The following HDLBP variants were observed in gnomAD, a reference collection of about 807,000 sequenced individuals.
HDLBP encodes vigilin.
In HDLBP, 30 loss-of-function variants were observed where a neutral mutation model predicts 137.3. The observed-to-expected ratio is 0.22, with a 90% CI of 0.16 to 0.30. The LOEUF (loss-of-function observed/expected upper bound fraction) is 0.30, where lower values mean the gene tolerates loss of function less well. HDLBP is among the 10% of genes least tolerant of loss of function. The pLI is 1.00. For missense variants in HDLBP, 1,119 were observed against 1,667.3 expected (o/e 0.67, Z 5.73); for synonymous variants, 606 against 596.0 (o/e 1.02, Z -0.24).
rs1011579824 is a variant in HDLBP, at chr2:241,239,521, G to C, written c.2610+81C>G. 5 of 1,151,304 alleles carry C rather than the reference G, an allele frequency of 4.3e-6. No individual in the cohort carries two copies. The Admixed American group carries it at 7.0e-5, about 16-fold the overall frequency. 71.3% of individuals were successfully genotyped at this position (1,151,304 alleles called of 1,614,324 possible). A position where few individuals can be genotyped will look rare whatever the true frequency, so the allele number is the denominator to read the frequency against. Reference sequence around the variant, plus strand: ...GTATGAGGGAGTCACCTCCCTACAGGGTGGAGCGAACACTCATACACGGCT... The same window carrying C: ...GTATGAGGGAGTCACCTCCCTACAGCGTGGAGCGAACACTCATACACGGCT... On this transcript the variant is annotated intron_variant, in intron 19 of 27. Coordinates refer to ENST00000310931, the MANE Select transcript of HDLBP (RefSeq NM_005336.6). The surrounding 1 kb of genome is among the most constrained non-coding windows in gnomAD (Gnocchi z 4.6).
intron 5 of HDLBP, among the ~76,000 whole-genome samples, chr2:241,260,869 C>A (rs561714612): frequency 1.3e-5 from 2 of 152,112 alleles, no homozygotes; most frequent in Non-Finnish European, 1.5e-5. Flanking sequence ...CAAAAACCTA[C>A]GGTCCCCACT....
Position 241,262,453 on chromosome 2 carries a change from T to TC in HDLBP, c.450+257dup, listed in dbSNP as rs976627588. 9.8e-4 allele frequency among the ~76,000 whole-genome samples: 105 copies of TC among 107,420 alleles called. 2 individuals carry two copies. The East Asian group carries it at 0.044, about 45-fold the overall frequency. The allele number at this position is 107,420 out of a possible 152,430, so 70.5% of individuals were successfully genotyped here. A position where few individuals can be genotyped will look rare whatever the true frequency, so the allele number is the denominator to read the frequency against. ...CTAGACAACAAGGTGAGACTCTGTC[T>TC]CTTAAAAAAAAAATTATTATTACTT... On this transcript the variant is annotated intron_variant, in intron 5 of 27. Transcript: ENST00000310931.
chr2:241,263,895 G>A (rs968353645), intron 4 of HDLBP, among the ~76,000 whole-genome samples: 5 of 152,080 alleles, frequency 3.3e-5, no homozygotes, highest in African/African-American at 1.2e-4. Flanking sequence ...CATACAGGGT[G>A]GACATGAGAG....
chr2:241,258,163 C>T (rs2072851691), intron 5 of HDLBP, among the ~76,000 whole-genome samples: 1 of 151,472 alleles, frequency 6.6e-6, no homozygotes, highest in Non-Finnish European at 1.5e-5. Flanking sequence ...CTTTGGGAGG[C>T]CGAGGTGGGT....
chr2:241,297,148 A>G (rs1027590892), intron 1 of HDLBP, among the ~76,000 whole-genome samples: 4 of 152,210 alleles, frequency 2.6e-5, no homozygotes, highest in African/African-American at 4.8e-5. Flanking sequence ...GGGCTTCCAC[A>G]TAAGAGAATA....
intron 1 of HDLBP, among the ~76,000 whole-genome samples, chr2:241,270,695 T>C (rs541851649): frequency 1.3e-5 from 2 of 152,260 alleles, no homozygotes; most frequent in East Asian, 1.9e-4. Context: ...TACAGCCCCA[T>C]GTCCACCCCG....
chr2:241,250,324 G>A (rs189649101), intron 11 of HDLBP: 38 of 187,120 alleles, frequency 2.0e-4, no homozygotes, highest in Admixed American at 1.1e-4. Context: ...AGGATTCCAG[G>A]TGTTTCTAAT....
At chr2:241,300,239 G>A (rs1353137203) in intron 1 of HDLBP, among the ~76,000 whole-genome samples, 1 of 152,090 alleles carries the variant, frequency 6.6e-6, no homozygotes, top group African/African-American at 2.4e-5. Flanking sequence ...GTAGAAGGCG[G>A]GCGCCCCCCG....
At chr2:241,254,517 CT>C (rs2072460808) in intron 9 of HDLBP, among the ~76,000 whole-genome samples, 1 of 150,248 alleles carries the variant, frequency 6.7e-6, no homozygotes, top group Non-Finnish European at 1.5e-5. Context: ...CAGAGTCTCG[CT>C]CTGTCGCCAA....
Position 241,236,711 on chromosome 2 carries a change from C to T in HDLBP, c.2808G>A (p.Glu936=). ...ENGDEAGEGR[E]AKDCDPGSPR... ...GAGAGCCGGGGTCACAATCTTTAGC[C>T]TCTCTCCCCTCCCCAGCTTCGTCCC... is the stretch of plus-strand genomic sequence containing the variant. The change falls in exon 21 of 28, where the codon GAG becomes GAA. Residue 936 remains glutamate, a synonymous_variant. Coordinates refer to ENST00000310931, the MANE Select transcript of HDLBP (RefSeq NM_005336.6). 1 of 1,614,116 alleles carries T rather than the reference C, an allele frequency of 6.2e-7. No individual in the cohort carries two copies. The highest frequency in any genetic ancestry group is 8.5e-7 in the Non-Finnish European group (1 of 1,179,988).
intron 24 of HDLBP, 161 bp from the exon 25 acceptor site, chr2:241,231,105 C>T (rs913224746): frequency 3.4e-5 from 22 of 646,244 alleles, no homozygotes; most frequent in Non-Finnish European, 2.9e-5. Context: ...CCACTCAGGG[C>T]CGGGCACGGT....
intron 21 of HDLBP, chr2:241,236,217 G>A (rs1574855481): frequency 8.0e-6 from 2 of 249,998 alleles, no homozygotes; most frequent in Non-Finnish European, 7.7e-6. Flanking sequence ...CATCCAGTAC[G>A]CAGGTGGCAC....
At chr2:241,279,101 T>G (rs1391134737) in intron 1 of HDLBP, among the ~76,000 whole-genome samples, 2 of 152,210 alleles carry the variant, frequency 1.3e-5, no homozygotes, top group Non-Finnish European at 2.9e-5. Flanking sequence ...ATAAAAACCT[T>G]TGTCAAAATA....
At position 241,247,151 on chromosome 2, in the gene HDLBP, CA is replaced by C; in HGVS notation, c.1732-10del. 6.4e-7 allele frequency: 1 copy of C among 1,564,404 alleles called. No individual in the cohort carries two copies. The highest frequency in any genetic ancestry group is 8.8e-7 in the Non-Finnish European group (1 of 1,134,686). ...GAATAGCTATTTTCCACCTTAAAGACAAAAAACACAGCCCGATTCACCACCT... is the reference window on the plus strand; with the variant it reads ...GAATAGCTATTTTCCACCTTAAAGACAAAAACACAGCCCGATTCACCACCT... On this transcript the variant is annotated splice_polypyrimidine_tract_variant and intron_variant, in intron 14 of 27. Transcript: ENST00000310931.
At position 241,238,557 on chromosome 2, in the gene HDLBP, G is replaced by A. The variant is rs1330551525; in HGVS notation, c.2749+92C>T. The stretch of plus-strand genomic sequence containing the variant: ...CATAGATGGTTTTCCAGCAGAGACA[G>A]GAAAGAGCCTCACCAGTATGTGCGA... On this transcript the variant is annotated intron_variant, in intron 20 of 27. Coordinates refer to ENST00000310931, the MANE Select transcript of HDLBP (RefSeq NM_005336.6). This position sits in a 1 kb window ranked among gnomAD's most constrained non-coding sequence, Gnocchi z 4.9. 1.9e-6 allele frequency: 2 copies of A among 1,040,182 alleles called. No individual in the cohort carries two copies. The highest frequency in any genetic ancestry group is 2.7e-5 in the Admixed American group (1 of 37,324). The allele number at this position is 1,040,182 out of a possible 1,614,324, so 64.4% of individuals were successfully genotyped here. A position where few individuals can be genotyped will look rare whatever the true frequency, so the allele number is the denominator to read the frequency against.
In HDLBP at chr2:241,230,281, G is replaced by A. The variant is rs370202133; in HGVS notation, c.3475-12C>T. The A allele has an allele frequency of 1.8e-5, 28 of 1,524,728 alleles. No individual in the cohort carries two copies. The highest frequency in any genetic ancestry group is 2.1e-5 in the Non-Finnish European group (23 of 1,113,664). The allele number at this position is 1,524,728 out of a possible 1,614,324, so 94.4% of individuals were successfully genotyped here. ...AAGCGAATGTCCACCTGGAAGGGGT[G>A]TACAACGTCAGATGAGGGGACTCCA... On this transcript the variant is annotated splice_polypyrimidine_tract_variant and intron_variant, in intron 25 of 27. Coordinates refer to ENST00000310931, the MANE Select transcript of HDLBP (RefSeq NM_005336.6). This position sits in a 1 kb window ranked among gnomAD's most constrained non-coding sequence, Gnocchi z 5.0.
Position 241,229,622 on chromosome 2 carries a change from G to A in HDLBP, c.3786C>T (p.Leu1262=), listed in dbSNP as rs751053890. 5.6e-6 allele frequency: 9 copies of A among 1,613,818 alleles called. No individual in the cohort carries two copies. The East Asian group carries it at 1.8e-4, about 32-fold the overall frequency. ...SFGAQVAPKT[L]PWGPKR The stretch of plus-strand genomic sequence containing the variant: ...ATCATTATCGTTTGGGGCCCCAAGG[G>A]AGGGTCTTGGGAGCCACCTGAGCCC... Residue 1262 remains leucine (L), a synonymous_variant, in exon 28 of 28, where the codon CTC becomes CTT. Transcript: ENST00000310931.
At chr2:241,314,270 G>C (rs958911475) in intron 1 of HDLBP, among the ~76,000 whole-genome samples, 1 of 152,158 alleles carries the variant, frequency 6.6e-6, no homozygotes, top group African/African-American at 2.4e-5. Context: ...ATAAACCTAA[G>C]CACTACGTTT....
At chr2:241,262,984 AG>A in intron 4 of HDLBP, 58 bp from the exon 5 acceptor site, 1 of 1,316,696 alleles carries the variant, frequency 7.6e-7, no homozygotes, top group Non-Finnish European at 1.1e-6. Context: ...GCCAACAGAT[AG>A]GGAGTAAAGA....
Sources: allele counts gnomAD v4.1 joint callset (sites outside exome capture counted in the v4.1 genomes callset), GRCh38; gene constraint gnomAD v4.1.1; non-coding constraint Gnocchi (gnomAD v3.1); transcripts MANE v1.5; gene names NCBI Gene and HGNC (gene_info 2026-07-23, HGNC 2026-07-21).